Variants in MACROD2 observed in about 807,000 individuals in gnomAD.
The protein encoded by MACROD2 is mono-ADP ribosylhydrolase 2.
Under a neutral mutation model 70.4 loss-of-function variants are expected in MACROD2, and 36 were observed. The observed-to-expected ratio is 0.51, with a 90% CI of 0.39 to 0.68. The LOEUF (loss-of-function observed/expected upper bound fraction) is 0.68, where lower values mean the gene tolerates loss of function less well. MACROD2 is among the 30% of genes least tolerant of loss of function. The probability of loss-of-function intolerance (pLI) is 0.00; values close to 1 mark genes in which losing one functional copy is unlikely to be tolerated. For synonymous variants in MACROD2, 172 were observed against 178.8 expected, an observed-to-expected ratio of 0.96 and a Z score of 0.30; for missense variants, 496 against 538.4, an observed-to-expected ratio of 0.92 and a Z score of 0.78.
chr20:15,537,151 A>G (rs907512111), intron 8 of MACROD2, among the ~76,000 whole-genome samples: 1 of 152,162 alleles, frequency 6.6e-6, no homozygotes, highest in African/African-American at 2.4e-5. Context: ...TTCTTGTGGT[A>G]GTGAATAAGT....
chr20:15,197,856 C>A (rs931967290), intron 5 of MACROD2, among the ~76,000 whole-genome samples: 1 of 151,754 alleles, frequency 6.6e-6, no homozygotes, highest in Non-Finnish European at 1.5e-5. Context: ...ACCATCACAT[C>A]TGGCTAATTT....
chr20:14,566,597 C>G (rs1281437877), intron 4 of MACROD2: 1 of 151,946 alleles, frequency 6.6e-6, no homozygotes, highest in Non-Finnish European at 1.5e-5. Flanking sequence ...GACTGAAGCA[C>G]TCTCCCTTCT....
chr20:14,368,819 GT>G lies in MACROD2; in HGVS notation c.272-124659del, dbSNP rs2083297095. On this transcript the variant is annotated intron_variant, in intron 3 of 17. Transcript: ENST00000684519. ...CAACAGAGAAGAAACAAAAGAAAAA[GT>G]AAAAACTTTAAAAATCAAGAAAAAC... 2.0e-5 allele frequency among the ~76,000 whole-genome samples: 3 copies of G among 152,092 alleles called. 1 individual carries two copies. In the South Asian group the frequency reaches 6.2e-4, roughly 32 times the overall value.
chr20:16,020,196 C>T (rs1464264185), intron 15 of MACROD2, among the ~76,000 whole-genome samples: 3 of 152,096 alleles, frequency 2.0e-5, no homozygotes, highest in African/African-American at 7.2e-5. Context: ...GCCATCCCAC[C>T]CTGACCCTGA....
chr20:14,536,273 G>A (rs1685428512), intron 4 of MACROD2, among the ~76,000 whole-genome samples: 1 of 152,130 alleles, frequency 6.6e-6, no homozygotes, highest in African/African-American at 2.4e-5. Context: ...ATTAACATAA[G>A]TGGAATTTCG....
chr20:14,112,090 T>A (rs536076738), intron 3 of MACROD2, among the ~76,000 whole-genome samples: 1 of 152,086 alleles, frequency 6.6e-6, no homozygotes, highest in Non-Finnish European at 1.5e-5. Context: ...AATCGTTATA[T>A]TAAATGAAAT....
intron 5 of MACROD2, among the ~76,000 whole-genome samples, chr20:15,071,682 T>TA (rs1249776807): frequency 2.0e-5 from 3 of 152,156 alleles, no homozygotes; most frequent in Non-Finnish European, 4.4e-5. Flanking sequence ...GACATTAAGA[T>TA]AAAAATGCTA....
At chr20:14,329,594 C>T (rs1018322621) in intron 3 of MACROD2, among the ~76,000 whole-genome samples, 2 of 151,990 alleles carry the variant, frequency 1.3e-5, no homozygotes, top group Non-Finnish European at 2.9e-5. Context: ...CTTTCAAATT[C>T]AAGCCAGTCT....
chr20:14,728,774 T>C (rs1240651826), intron 5 of MACROD2, among the ~76,000 whole-genome samples: 2 of 152,172 alleles, frequency 1.3e-5, no homozygotes, highest in Non-Finnish European at 2.9e-5. Flanking sequence ...AACAAATTAG[T>C]TGATAAATTA....
intron 4 of MACROD2, among the ~76,000 whole-genome samples, chr20:14,582,070 CACT>C (rs1981062820): frequency 3.3e-5 from 5 of 152,024 alleles, no homozygotes; most frequent in Admixed American, 3.3e-4. Flanking sequence ...TTTACATTTA[CACT>C]TCCTATCCCA....
chr20:14,105,210 T>G (rs2054353019), intron 3 of MACROD2, among the ~76,000 whole-genome samples: 1 of 152,188 alleles, frequency 6.6e-6, no homozygotes, highest in South Asian at 2.1e-4. Context: ...GGAATCATAG[T>G]ACCTGATTGT....
chr20:14,606,867 C>T (rs575735517), intron 4 of MACROD2, among the ~76,000 whole-genome samples: 4 of 152,180 alleles, frequency 2.6e-5, no homozygotes, highest in South Asian at 4.2e-4. Flanking sequence ...AATTTATTAA[C>T]TTAAAAATGC....
intron 4 of MACROD2, among the ~76,000 whole-genome samples, chr20:14,649,934 A>G (rs904011056): frequency 7.2e-5 from 11 of 152,184 alleles, no homozygotes; most frequent in Non-Finnish European, 1.5e-4. Context: ...TGGAGTATGC[A>G]TAGACTGATA....
At chr20:15,033,299 T>G (rs964214557) in intron 5 of MACROD2, among the ~76,000 whole-genome samples, 4 of 152,172 alleles carry the variant, frequency 2.6e-5, no homozygotes, top group African/African-American at 9.7e-5. Flanking sequence ...TGTTTACCTC[T>G]GCTGCCAACG....
At chr20:15,712,936 A>C (rs762060377) in intron 8 of MACROD2, among the ~76,000 whole-genome samples, 4 of 152,240 alleles carry the variant, frequency 2.6e-5, no homozygotes, top group African/African-American at 4.8e-5. Flanking sequence ...TATGCAGTGC[A>C]ACTAGGCTTC....
In MACROD2 at chr20:15,858,462, T is replaced by G. The variant is rs191515101; in HGVS notation, c.646-4283T>G. ...TTTCTCCTCACCCACTGTGACTTCT[T>G]TTTTACTTATTCAGTCTGGGCTTTT... On this transcript the variant is annotated intron_variant, in intron 8 of 17. Coordinates refer to ENST00000684519, the MANE Select transcript of MACROD2 (RefSeq NM_001351661.2). 3.9e-5 allele frequency among the ~76,000 whole-genome samples: 6 copies of G among 152,312 alleles called. No homozygotes were observed. The East Asian group carries it at 7.7e-4, about 20-fold the overall frequency.
At chr20:14,109,935 A>G (rs1300932549) in intron 3 of MACROD2, among the ~76,000 whole-genome samples, 1 of 151,904 alleles carries the variant, frequency 6.6e-6, no homozygotes, top group Admixed American at 6.6e-5. Flanking sequence ...AAACACAAGT[A>G]CAGGCCAATA....
At chr20:15,318,192 A>C (rs1012802407) in intron 6 of MACROD2, among the ~76,000 whole-genome samples, 1 of 152,170 alleles carries the variant, frequency 6.6e-6, no homozygotes, top group Non-Finnish European at 1.5e-5. Context: ...ATCATAAGAG[A>C]ATATTTGAAC....
At chr20:14,605,131 A>G (rs1369797894) in intron 4 of MACROD2, among the ~76,000 whole-genome samples, 1 of 152,188 alleles carries the variant, frequency 6.6e-6, no homozygotes, top group Admixed American at 6.6e-5. Flanking sequence ...GATAGCTAGT[A>G]AAGGGATATA....
Sources: allele counts gnomAD v4.1 joint callset (sites outside exome capture counted in the v4.1 genomes callset), GRCh38; gene constraint gnomAD v4.1.1; transcripts MANE v1.5; gene names NCBI Gene and HGNC (gene_info 2026-07-23, HGNC 2026-07-21).